Variants in SOX5 observed in about 807,000 individuals in gnomAD.
SOX5 encodes transcription factor SOX-5.
In SOX5, 9 loss-of-function variants were observed where a neutral mutation model predicts 92.0. The ratio of observed to expected loss-of-function variants is 0.10; its 90% CI spans 0.06 to 0.17. The LOEUF is 0.17. Ranked by LOEUF, SOX5 falls within the 10% of genes least tolerant of loss-of-function variation. The probability of loss-of-function intolerance (pLI) is 1.00; values close to 1 mark genes in which losing one functional copy is unlikely to be tolerated. For synonymous variants in SOX5, 344 were observed against 336.3 expected (o/e 1.02, Z -0.25); for missense variants, 642 against 944.5 (o/e 0.68, Z 4.20).
intron 8 of SOX5, among the ~76,000 whole-genome samples, chr12:23,607,863 C>A (rs927750784): frequency 8.6e-5 from 13 of 151,872 alleles, no homozygotes; most frequent in African/African-American, 3.1e-4. Context: ...CAGATAAAAC[C>A]CAAAGTTAAA....
Position 23,545,633 on chromosome 12 carries a change from G to A in SOX5, c.1597+683C>T, listed in dbSNP as rs7304246. ...GGGTTCCAAAATGTAAGAAACTATC[G>A]TGGAAATGTCCTCTGAGCCATGTAT... On this transcript the variant is annotated intron_variant, in intron 12 of 14. Transcript: ENST00000451604. Among the ~76,000 whole-genome samples, 565 of 152,184 alleles carry A rather than the reference G, an allele frequency of 3.7e-3. 5 individuals carry two copies. Among genetic ancestry groups the A allele is most frequent in the African/African-American group, 0.013 (532 of 41,524 alleles).
chr12:24,318,123 C>T (rs188517861), intron 2 of SOX5, among the ~76,000 whole-genome samples: 17 of 152,222 alleles, frequency 1.1e-4, no homozygotes, highest in African/African-American at 3.1e-4. Flanking sequence ...GCATGAGAAT[C>T]GCTTGAAACC....
intron 1 of SOX5, among the ~76,000 whole-genome samples, chr12:24,548,850 G>A (rs1309896167): frequency 6.6e-6 from 1 of 152,070 alleles, no homozygotes; most frequent in Non-Finnish European, 1.5e-5. Context: ...CAGGCTGTAG[G>A]CACAAATTTT....
chr12:23,724,181 G>C (rs1380054104), intron 6 of SOX5, among the ~76,000 whole-genome samples: 1 of 152,088 alleles, frequency 6.6e-6, no homozygotes, highest in Admixed American at 6.6e-5. Flanking sequence ...GAGATCATCT[G>C]AATTAAATCA....
intron 4 of SOX5, among the ~76,000 whole-genome samples, chr12:24,006,846 T>G (rs902214827): frequency 7.9e-5 from 12 of 151,978 alleles, no homozygotes; most frequent in African/African-American, 2.9e-4. Context: ...ATTAATATCT[T>G]AACTGAAGTG....
chr12:23,851,215 T>A (rs959750495), intron 2 of SOX5, among the ~76,000 whole-genome samples: 6 of 152,134 alleles, frequency 3.9e-5, no homozygotes, highest in Admixed American at 2.6e-4. Flanking sequence ...CATATTTTAG[T>A]TATTCTTTAA....
rs186287328 is a variant in SOX5 at position 24,180,601 on chromosome 12, T to C, written c.-2+32742A>G. Among the ~76,000 whole-genome samples the C allele has an allele frequency of 2.1e-3, 320 of 152,320 alleles. 2 individuals carry two copies. Among genetic ancestry groups the C allele is most frequent in the Non-Finnish European group, 3.6e-3 (245 of 68,022 alleles). ...GTGCCCCTTTTATAACTGTCGTTAC[T>C]ATGCCACTTTACTTCATTCTCTCAG... On this transcript the variant is annotated intron_variant, in intron 4 of 4. Coordinates refer to the SOX5 transcript ENST00000446891.
chr12:23,854,577 G>A (rs995525136), intron 2 of SOX5, among the ~76,000 whole-genome samples: 1 of 151,680 alleles, frequency 6.6e-6, no homozygotes, highest in Non-Finnish European at 1.5e-5. Context: ...TAACACTAAC[G>A]AAAATAAACT....
intron 2 of SOX5, among the ~76,000 whole-genome samples, chr12:24,287,995 A>T (rs1946114365): frequency 2.0e-5 from 3 of 152,118 alleles, no homozygotes; most frequent in African/African-American, 7.2e-5. Context: ...GGAAGCGTTA[A>T]TTTCTTTCCA....
At chr12:23,618,095 A>G (rs2076782042) in intron 8 of SOX5, among the ~76,000 whole-genome samples, 1 of 152,126 alleles carries the variant, frequency 6.6e-6, no homozygotes, top group African/African-American at 2.4e-5. Context: ...CAGCAAATAC[A>G]TCTCCATCTG....
intron 4 of SOX5, among the ~76,000 whole-genome samples, chr12:24,191,374 C>T (rs139545471): frequency 6.6e-6 from 1 of 152,106 alleles, no homozygotes; most frequent in African/African-American, 2.4e-5. Context: ...CTTTAATCTG[C>T]GTTGAGGATT....
At chr12:23,694,097 A>T (rs1225656414) in intron 6 of SOX5, among the ~76,000 whole-genome samples, 1 of 152,134 alleles carries the variant, frequency 6.6e-6, no homozygotes, top group East Asian at 1.9e-4. Flanking sequence ...TTTTGCTCCC[A>T]TGATTATGTT....
At chr12:24,132,249 T>C (rs1040275254) in intron 4 of SOX5, among the ~76,000 whole-genome samples, 1 of 152,068 alleles carries the variant, frequency 6.6e-6, no homozygotes, top group Non-Finnish European at 1.5e-5. Context: ...AATTAAACAG[T>C]TAAGAATGAT....
chr12:24,061,433 T>C (rs910819830), intron 4 of SOX5, among the ~76,000 whole-genome samples: 6 of 152,106 alleles, frequency 3.9e-5, no homozygotes, highest in Non-Finnish European at 8.8e-5. Flanking sequence ...TGTTTGGTCA[T>C]ATCCAATGAT....
intron 1 of SOX5, among the ~76,000 whole-genome samples, chr12:24,435,206 T>G (rs1449219865): frequency 6.6e-6 from 1 of 152,178 alleles, no homozygotes; most frequent in Non-Finnish European, 1.5e-5. Flanking sequence ...TGGTGTGGCC[T>G]AGAATGGCTT....
intron 9 of SOX5, among the ~76,000 whole-genome samples, chr12:23,593,343 A>T (rs1441029840): frequency 2.6e-5 from 4 of 152,176 alleles, no homozygotes; most frequent in Non-Finnish European, 5.9e-5. Context: ...TTGTTTTAAA[A>T]ACCATAATTA....
chr12:23,841,544 A>G (rs1020707415), intron 3 of SOX5, among the ~76,000 whole-genome samples: 2 of 152,148 alleles, frequency 1.3e-5, no homozygotes, highest in African/African-American at 4.8e-5. Context: ...GGAAGCAACC[A>G]ATATGTGCTT....
intron 1 of SOX5, among the ~76,000 whole-genome samples, chr12:24,469,401 G>T (rs1944558500): frequency 6.6e-6 from 1 of 152,048 alleles, no homozygotes; most frequent in African/African-American, 2.4e-5. Flanking sequence ...CCTCTGCCTT[G>T]GTTCCTGATT....
intron 1 of SOX5, among the ~76,000 whole-genome samples, chr12:24,408,550 C>A (rs915275028): frequency 6.6e-6 from 1 of 152,164 alleles, no homozygotes; most frequent in African/African-American, 2.4e-5. Context: ...CTCCACCCCA[C>A]CCTCCTTAAC....
Sources: allele counts gnomAD v4.1 joint callset (sites outside exome capture counted in the v4.1 genomes callset), GRCh38; gene constraint gnomAD v4.1.1; transcripts MANE v1.5; gene names NCBI Gene and HGNC (gene_info 2026-07-23, HGNC 2026-07-21).